RCE1: variants seen among roughly 807,000 people sequenced by gnomAD.
RCE1 encodes the protein CAAX prenyl protease 2.
A neutral mutation model predicts 35.0 loss-of-function variants in RCE1; 15 were observed. The ratio of observed to expected loss-of-function variants is 0.43; its 90% CI spans 0.29 to 0.66. The LOEUF (loss-of-function observed/expected upper bound fraction) is 0.66, where lower values mean the gene tolerates loss of function less well. Ranked by LOEUF, RCE1 falls within the 30% of genes least tolerant of loss-of-function variation. The pLI is 0.17. For missense variants in RCE1, 434 were observed against 433.0 expected, an observed-to-expected ratio of 1.00 and a Z score of -0.02; for synonymous variants, 261 against 192.7, an observed-to-expected ratio of 1.35 and a Z score of -2.94.
intron 3 of RCE1, 107 bp from the exon 4 acceptor site, chr11:66,844,179 C>T: frequency 1.3e-6 from 2 of 1,594,446 alleles, no homozygotes; most frequent in Non-Finnish European, 1.7e-6. Context: ...TATGCATGGT[C>T]TGGAAATCGT....
At chr11:66,844,088 A>T in intron 3 of RCE1, 49 bp downstream of exon 3, 1 of 1,613,342 alleles carries the variant, frequency 6.2e-7, no homozygotes, top group East Asian at 2.2e-5. Context: ...TATCAGCCTG[A>T]TGGGCAGTGC....
rs1287018796 is a variant in RCE1 at position 66,845,574 on chromosome 11, G to C, written c.754+12G>C. The C allele has an allele frequency of 1.9e-6, 3 of 1,614,224 alleles. No individual in the cohort carries two copies. In the South Asian group the frequency reaches 3.3e-5, roughly 18 times the overall value. Reference sequence around the variant, plus strand: ...CTTCATCCGCACAGGTTGGTCCTCAGTCCCTCATGGGTCCCTGGGGGCCCA... The same window carrying C: ...CTTCATCCGCACAGGTTGGTCCTCACTCCCTCATGGGTCCCTGGGGGCCCA... On this transcript the variant is annotated intron_variant, in intron 7 of 7. Transcript: ENST00000309657.
rs1169555590 is a variant in RCE1 at position 66,843,628 on chromosome 11, G to A, written c.173G>A (p.Ser58Asn). The A allele has an allele frequency of 1.2e-6, 2 of 1,601,982 alleles. No homozygotes were observed. The highest frequency in any genetic ancestry group is 8.5e-7 in the Non-Finnish European group (1 of 1,177,360). ...GTGGGCAGCCTCTACGTCTGGAAGA[G>A]CGAACTGCCCAGGTGCGGGGGCTGC... ...SYVGSLYVWK[S>N]ELPRDHPAVI... is the part of the protein sequence containing the mutation. The change falls in exon 1 of 8, where the codon AGC (serine) becomes AAC (asparagine). Residue 58 changes from serine to asparagine, a missense_variant. Physicochemically the swap from Ser to Asn is conservative, Grantham distance 46 (BLOSUM62 1). Transcript: ENST00000309657.
chr11:66,843,903 CAG>C, intron 2 of RCE1, 42 bp downstream of exon 2: 1 of 1,613,956 alleles, frequency 6.2e-7, no homozygotes, highest in Non-Finnish European at 8.5e-7. Flanking sequence ...GGTGAGAGCT[CAG>C]GGGTCTTTAG....
At chr11:66,844,162 C>T (rs973885921) in intron 3 of RCE1, 123 bp downstream of exon 3, 377 of 1,586,824 alleles carry the variant, frequency 2.4e-4, no homozygotes, top group Middle Eastern at 3.3e-4. Flanking sequence ...GCCCCAGGGT[C>T]CTCCGGTATG....
At position 66,846,232 on chromosome 11, in the gene RCE1, C is replaced by T. The variant is rs993159577; in HGVS notation, c.*137C>T. ...AGGGGATTGAAGCCAGAGCTAGTTG[C>T]GTCCCAGGGACCAAGAGAAAGAAGC... On this transcript the variant is annotated 3_prime_UTR_variant, in exon 8 of 8. Transcript: ENST00000309657. 1.8e-5 allele frequency: 20 copies of T among 1,112,886 alleles called. No individual in the cohort carries two copies. The highest frequency in any genetic ancestry group is 1.3e-4 in the East Asian group (5 of 38,568). 68.9% of individuals were successfully genotyped at this position (1,112,886 alleles called of 1,614,324 possible). A position where few individuals can be genotyped will look rare whatever the true frequency, so the allele number is the denominator to read the frequency against.
At position 66,845,548 on chromosome 11, in the gene RCE1, T is replaced by C; in HGVS notation, c.740T>C (p.Leu247Pro). The change falls in exon 7 of 8, where the codon CTC (leucine) becomes CCC (proline). Residue 247 changes from leucine (L) to proline (P), a missense_variant. Physicochemically the swap from Leu to Pro is moderately conservative, Grantham distance 98. Coordinates refer to ENST00000309657, the MANE Select transcript of RCE1 (RefSeq NM_005133.3). ...TAVFGAYTAF[L>P]FIRTGHLIGP... The stretch of plus-strand genomic sequence containing the variant: ...GTCTTCGGTGCCTACACTGCTTTCC[T>C]CTTCATCCGCACAGGTTGGTCCTCA... 6.2e-7 allele frequency: 1 copy of C among 1,614,222 alleles called. No homozygotes were observed. The highest frequency in any genetic ancestry group is 8.5e-7 in the Non-Finnish European group (1 of 1,180,046).
rs1378996408 is a variant in RCE1, at chr11:66,843,484, G to C, written c.29G>C (p.Arg10Pro). ...GCGGCGCTGGGCGGGGATGGGCTGC[G>C]ACTGCTGTCGGTGTCGCGGCCGGAG... MAALGGDGL[R>P]LLSVSRPERP... Residue 10 changes from arginine (R) to proline (P), a missense_variant, in exon 1 of 8, where the codon CGA becomes CCA. By Grantham distance (103) the Arg-to-Pro change is moderately radical. Coordinates refer to ENST00000309657, the MANE Select transcript of RCE1 (RefSeq NM_005133.3). 4 of 1,470,926 alleles carry C rather than the reference G, an allele frequency of 2.7e-6. No homozygotes were observed. Among genetic ancestry groups the C allele is most frequent in the Non-Finnish European group, 3.6e-6 (4 of 1,122,864 alleles). The allele number at this position is 1,470,926 out of a possible 1,614,324, so 91.1% of individuals were successfully genotyped here.
Position 66,843,524 on chromosome 11 carries a change from G to T in RCE1, c.69G>T (p.Ser23=). 6.6e-7 allele frequency: 1 copy of T among 1,507,232 alleles called. No individual in the cohort carries two copies. The allele number at this position is 1,507,232 out of a possible 1,614,324, so 93.4% of individuals were successfully genotyped here. A position where few individuals can be genotyped will look rare whatever the true frequency, so the allele number is the denominator to read the frequency against. Residue 23 remains serine (S), a synonymous_variant, in exon 1 of 8, where the codon TCG becomes TCT. Coordinates refer to ENST00000309657, the MANE Select transcript of RCE1 (RefSeq NM_005133.3). ...CGCGGCCGGAGCGGCCGCCCGAGTC[G>T]GCGGCGCTGGGCGGCCTGGGCCCCG... ...SVSRPERPPE[S]AALGGLGPGL...
In RCE1 at chr11:66,846,322, A is replaced by G. The variant is rs1037996514; in HGVS notation, c.*227A>G. ...TACGAGCAGCTGTGAGTGAGGGGAC[A>G]AGGGGCAGGTCCCAGGAGCCACACA... On this transcript the variant is annotated 3_prime_UTR_variant, in exon 8 of 8. Coordinates refer to ENST00000309657, the MANE Select transcript of RCE1 (RefSeq NM_005133.3). The G allele has an allele frequency of 1.5e-5, 8 of 520,468 alleles. No individual in the cohort carries two copies. The highest frequency in any genetic ancestry group is 2.3e-5 in the Non-Finnish European group (7 of 304,312). The allele number at this position is 520,468 out of a possible 1,614,324, so 32.2% of individuals were successfully genotyped here.
rs1945161789 is a variant in RCE1 at position 66,844,373 on chromosome 11, T to TA, written c.451+12dup. On this transcript the variant is annotated intron_variant, in intron 4 of 7. Coordinates refer to ENST00000309657, the MANE Select transcript of RCE1 (RefSeq NM_005133.3). ...GCTGAAGGTTGTCCTGGGTGAGTCT[T>TA]AAAGGCTGAAGGGAAAAGTAGGCAC... The TA allele has an allele frequency of 6.2e-7, 1 of 1,614,118 alleles. No homozygotes were observed. Among genetic ancestry groups the TA allele is most frequent in the African/African-American group, 1.3e-5 (1 of 75,004 alleles).
Position 66,845,212 on chromosome 11 carries a change from C to A in RCE1, c.666C>A (p.Ser222Arg), listed in dbSNP as rs1238728179. 4 of 1,614,092 alleles carry A rather than the reference C, an allele frequency of 2.5e-6. No homozygotes were observed. The highest frequency in any genetic ancestry group is 3.4e-6 in the Non-Finnish European group (4 of 1,180,044). ...AGCAGCTGCGTTTCCGCCAGAGCAGCGTGGGGAACATCTTCTTGTCTGCTG... is the reference window on the plus strand; with the variant it reads ...AGCAGCTGCGTTTCCGCCAGAGCAGAGTGGGGAACATCTTCTTGTCTGCTG... ...IIEQLRFRQS[S>R]VGNIFLSAAF... Residue 222 changes from serine to arginine, a missense_variant, in exon 6 of 8, where the codon AGC becomes AGA. Coordinates refer to ENST00000309657, the MANE Select transcript of RCE1 (RefSeq NM_005133.3).
chr11:66,843,771 G>A lies in RCE1; in HGVS notation c.198G>A (p.Ala66=). The A allele has an allele frequency of 1.2e-6, 2 of 1,613,738 alleles. No homozygotes were observed. The highest frequency in any genetic ancestry group is 8.5e-7 in the Non-Finnish European group (1 of 1,180,022). The stretch of plus-strand genomic sequence containing the variant: ...GTCCCCTCCGTAGGGACCATCCCGC[G>A]GTCATCAAGCGACGCTTCACCAGCG... ...WKSELPRDHP[A]VIKRRFTSVL... is the part of the protein sequence containing the mutation. Residue 66 remains alanine (A), a synonymous_variant, in exon 2 of 8, where the codon GCG becomes GCA. Transcript: ENST00000309657.
intron 5 of RCE1, 27 bp from the exon 6 acceptor site, chr11:66,845,137 CTG>C (rs753377252): frequency 6.2e-7 from 1 of 1,614,230 alleles, no homozygotes; most frequent in South Asian, 1.1e-5. Flanking sequence ...GGAGGAATGA[CTG>C]TGATGTGATT....
intron 4 of RCE1, 36 bp from the exon 5 acceptor site, chr11:66,844,833 C>G (rs368409311): frequency 6.6e-6 from 10 of 1,504,764 alleles, no homozygotes; most frequent in African/African-American, 4.2e-5. Flanking sequence ...GTCTGACAGC[C>G]CGTCACTCAC....
At chr11:66,845,707 A>G (rs1945197944) in intron 7 of RCE1, 145 bp downstream of exon 7, 3 of 1,475,530 alleles carry the variant, frequency 2.0e-6, no homozygotes, top group Non-Finnish European at 2.8e-6. Flanking sequence ...GTGAGGTCTG[A>G]GAGGTGGAAA....
chr11:66,846,282 T>G lies in RCE1; in HGVS notation c.*187T>G. 1.4e-6 allele frequency: 1 copy of G among 710,520 alleles called. No homozygotes were observed. Among genetic ancestry groups the G allele is most frequent in the Non-Finnish European group, 2.2e-6 (1 of 457,550 alleles). 44.0% of individuals were successfully genotyped at this position (710,520 alleles called of 1,614,324 possible). A position where few individuals can be genotyped will look rare whatever the true frequency, so the allele number is the denominator to read the frequency against. On this transcript the variant is annotated 3_prime_UTR_variant, in exon 8 of 8. Coordinates refer to ENST00000309657, the MANE Select transcript of RCE1 (RefSeq NM_005133.3). ...CAGATATCCAAAGGGTGCAGCCCCT[T>G]TTGAAAGGGGTGTTTACGAGCAGCT...
rs1376716487 is a variant in RCE1 at position 66,846,429 on chromosome 11, C to T, written c.*334C>T. 1 of 216,602 alleles carries T rather than the reference C, an allele frequency of 4.6e-6. No individual in the cohort carries two copies. The highest frequency in any genetic ancestry group is 9.0e-6 in the Non-Finnish European group (1 of 110,844). The allele number at this position is 216,602 out of a possible 1,614,324, so 13.4% of individuals were successfully genotyped here. A position where few individuals can be genotyped will look rare whatever the true frequency, so the allele number is the denominator to read the frequency against. On this transcript the variant is annotated 3_prime_UTR_variant, in exon 8 of 8. Transcript: ENST00000309657. Reference sequence around the variant, plus strand: ...GCTCGGGGTTTTTTATTTATAAAACCTCTCCCCACCCCCCACCCCCCAACT... The same window carrying T: ...GCTCGGGGTTTTTTATTTATAAAACTTCTCCCCACCCCCCACCCCCCAACT...
intron 6 of RCE1, 87 bp from the exon 7 acceptor site, chr11:66,845,413 G>T (rs534692345): frequency 3.1e-6 from 5 of 1,605,080 alleles, no homozygotes; most frequent in African/African-American, 1.3e-5. Context: ...CGGGGGGAGG[G>T]GATGGTCGGT....
Sources: gnomAD v4.1 joint callset for allele counts on GRCh38, gnomAD v4.1.1 for gene constraint, MANE v1.5 for transcripts, NCBI Gene and HGNC (gene_info 2026-07-23, HGNC 2026-07-21) for gene names.